The following DISC1 variants were observed in gnomAD, a reference collection of about 807,000 sequenced individuals.
The protein encoded by DISC1 is DISC1 scaffold protein.
In DISC1, 57 loss-of-function variants were observed where a neutral mutation model predicts 84.5. That is an observed-to-expected ratio of 0.67 (90% CI 0.55 to 0.84). The LOEUF is 0.84. DISC1 is among the 40% of genes least tolerant of loss of function. The pLI is 0.00. For synonymous variants in DISC1, 411 were observed against 415.2 expected (o/e 0.99, Z 0.12); for missense variants, 1,000 against 1,057.8 (o/e 0.95, Z 0.76).
At chr1:231,713,860 G>T (rs371865477) in intron 3 of DISC1, among the ~76,000 whole-genome samples, 19 of 144,994 alleles carry the variant, frequency 1.3e-4, no homozygotes, top group African/African-American at 3.3e-4. Context: ...ATATATAGGA[G>T]ATATATATAT....
intron 9 of DISC1, among the ~76,000 whole-genome samples, chr1:231,929,963 A>G (rs1361450106): frequency 6.6e-6 from 1 of 152,094 alleles, no homozygotes; most frequent in East Asian, 1.9e-4. Context: ...TGGGTGACAC[A>G]GGGGCCATGG....
Position 232,036,678 on chromosome 1 carries a change from A to C in DISC1, c.2426-14A>C. 1.3e-6 allele frequency: 2 copies of C among 1,574,370 alleles called. No individual in the cohort carries two copies. Among genetic ancestry groups the C allele is most frequent in the Non-Finnish European group, 1.7e-6 (2 of 1,151,260 alleles). ...ACGATCACCTTCGAATGTGCTCCTT[A>C]ACAATGTGCCCACAGTCTCTCAGGA... On this transcript the variant is annotated splice_polypyrimidine_tract_variant and intron_variant, in intron 12 of 12. Transcript: ENST00000439617.
intron 1 of DISC1, among the ~76,000 whole-genome samples, chr1:231,628,324 T>C: frequency 6.6e-6 from 1 of 152,214 alleles, no homozygotes; most frequent in East Asian, 1.9e-4. Context: ...ATGGGGGTAG[T>C]AATTACTGCC....
chr1:231,723,947 G>C (rs2070250349), intron 3 of DISC1: 1 of 985,326 alleles, frequency 1.0e-6, no homozygotes, highest in South Asian at 4.7e-5. Flanking sequence ...TTCACAGTTT[G>C]TGATGGTGAC....
chr1:231,793,325 A>T (rs1471412862), intron 6 of DISC1, among the ~76,000 whole-genome samples: 1 of 152,116 alleles, frequency 6.6e-6, no homozygotes, highest in Non-Finnish European at 1.5e-5. Flanking sequence ...CTCTTCTAGC[A>T]TCTATTACAT....
chr1:231,738,070 A>G (rs1382489405), intron 3 of DISC1, among the ~76,000 whole-genome samples: 1 of 149,468 alleles, frequency 6.7e-6, no homozygotes, highest in Non-Finnish European at 1.5e-5. Flanking sequence ...GCTGGTCTTG[A>G]ACTCTTGAGC....
At chr1:231,915,076 G>C (rs944362282) in intron 9 of DISC1, among the ~76,000 whole-genome samples, 1 of 152,132 alleles carries the variant, frequency 6.6e-6, no homozygotes, top group African/African-American at 2.4e-5. Flanking sequence ...CCAACTATGC[G>C]CCTCCAGCCA....
intron 6 of DISC1, among the ~76,000 whole-genome samples, chr1:231,781,416 A>T (rs1318765326): frequency 6.6e-6 from 1 of 152,132 alleles, no homozygotes; most frequent in Non-Finnish European, 1.5e-5. Flanking sequence ...TTGTAGACTC[A>T]TCCATTTCTC....
At chr1:231,723,042 T>G (rs200816085) in intron 3 of DISC1, 11 of 1,065,814 alleles carry the variant, frequency 1.0e-5, no homozygotes, top group Non-Finnish European at 1.3e-5. Flanking sequence ...GGTGGCAATA[T>G]GTACTACAGT....
At chr1:231,791,983 G>A (rs1295420980) in intron 6 of DISC1, among the ~76,000 whole-genome samples, 1 of 152,128 alleles carries the variant, frequency 6.6e-6, no homozygotes, top group Non-Finnish European at 1.5e-5. Flanking sequence ...TTATAGTGCT[G>A]TGTAAACTTT....
Position 231,767,219 on chromosome 1 carries a change from G to A in DISC1, c.1348G>A (p.Val450Met), listed in dbSNP as rs149233802. The A allele has an allele frequency of 2.1e-4, 340 of 1,614,092 alleles. No homozygotes were observed. Among genetic ancestry groups the A allele is most frequent in the Non-Finnish European group, 2.6e-4 (306 of 1,180,048 alleles). ...LEPTAQDSLH[V>M]SITRRDWLLQ... ...ACCCACTGCTCAGGACAGCTTGCACGTGTCCATCACGAGACGAGACTGGCT... is the reference window on the plus strand; with the variant it reads ...ACCCACTGCTCAGGACAGCTTGCACATGTCCATCACGAGACGAGACTGGCT... The change falls in exon 5 of 13, where the codon GTG (valine) becomes ATG (methionine). Residue 450 changes from valine to methionine, a missense_variant. Physicochemically the swap from Val to Met is conservative, Grantham distance 21. Coordinates refer to ENST00000439617, the MANE Select transcript of DISC1 (RefSeq NM_018662.3).
intron 11 of DISC1, among the ~76,000 whole-genome samples, chr1:232,020,823 G>T (rs1318417654): frequency 6.6e-6 from 1 of 152,138 alleles, no homozygotes; most frequent in East Asian, 1.9e-4. Context: ...AAATAAAACA[G>T]ATAAAATTAG....
intron 2 of DISC1, 32 bp from the exon 3 acceptor site, chr1:231,701,922 AT>A: frequency 6.5e-7 from 1 of 1,545,202 alleles, no homozygotes. Flanking sequence ...TTCTATTGTA[AT>A]TTTTTATTTT....
At chr1:231,784,716 G>T (rs761886917) in intron 6 of DISC1, among the ~76,000 whole-genome samples, 1 of 152,126 alleles carries the variant, frequency 6.6e-6, no homozygotes, top group African/African-American at 2.4e-5. Flanking sequence ...GAGCACGAAG[G>T]TGAGTGTCTG....
intron 9 of DISC1, among the ~76,000 whole-genome samples, chr1:231,916,053 C>T (rs1457538991): frequency 2.0e-5 from 3 of 152,082 alleles, no homozygotes; most frequent in Non-Finnish European, 2.9e-5. Context: ...CTCTTTTCCA[C>T]GAAACAATTT....
chr1:231,886,497 C>G (rs1340060995), intron 9 of DISC1, among the ~76,000 whole-genome samples: 1 of 152,212 alleles, frequency 6.6e-6, no homozygotes, highest in Admixed American at 6.5e-5. Context: ...CTCCTTCCCC[C>G]AGGCTCTAAA....
chr1:231,886,766 CCTTTCTTTCTTTCTTTCTTTCTTT>C (rs3084378), intron 9 of DISC1, among the ~76,000 whole-genome samples: 74 of 84,434 alleles, frequency 8.8e-4, no homozygotes, highest in Middle Eastern at 6.6e-3. Context: ...TTCCTTCCTT[CCTTTCTTTCTTTCTTTCTTTCTTT>C]CTTTCTTTCT....
At chr1:231,702,718 A>G (rs1188105989) in intron 3 of DISC1, 2 of 449,526 alleles carry the variant, frequency 4.4e-6, no homozygotes, top group Non-Finnish European at 5.9e-6. Context: ...GAGGGCTGAC[A>G]TGGGGGTTGA....
chr1:232,026,397 G>C (rs180812329), intron 11 of DISC1, 38 bp from the exon 12 acceptor site: 52 of 1,404,422 alleles, frequency 3.7e-5, no homozygotes, highest in Admixed American at 3.5e-4. Flanking sequence ...CTGTGTCCAC[G>C]GCACTAACAA....
Sources: allele counts gnomAD v4.1 joint callset (sites outside exome capture counted in the v4.1 genomes callset), GRCh38; gene constraint gnomAD v4.1.1; transcripts MANE v1.5; gene names NCBI Gene and HGNC (gene_info 2026-07-23, HGNC 2026-07-21).